Variants in APP observed in about 807,000 individuals in gnomAD.
APP encodes the protein amyloid-beta precursor protein.
Under a neutral mutation model 101.4 loss-of-function variants are expected in APP, and 31 were observed. The observed-to-expected ratio is 0.31, with a 90% confidence interval of 0.23 to 0.41. The LOEUF (loss-of-function observed/expected upper bound fraction) is 0.41. Ranked by LOEUF, APP falls within the 10% of genes least tolerant of loss-of-function variation. The probability of loss-of-function intolerance (pLI) is 1.00; values close to 1 mark genes in which losing one functional copy is unlikely to be tolerated. For missense variants in APP, 839 were observed against 1,003.7 expected, an observed-to-expected ratio of 0.84 and a Z score of 2.22; for synonymous variants, 366 against 364.4, an observed-to-expected ratio of 1.00 and a Z score of -0.05.
chr21:25,890,086 G>A (rs1166227284), intron 17 of APP, among the ~76,000 whole-genome samples: 1 of 152,070 alleles, frequency 6.6e-6, no homozygotes. Flanking sequence ...ATCACAAAAG[G>A]TGCAATGGCC....
At chr21:26,083,755 A>C (rs1470661045) in intron 3 of APP, among the ~76,000 whole-genome samples, 1 of 152,210 alleles carries the variant, frequency 6.6e-6, no homozygotes, top group Admixed American at 6.5e-5. Flanking sequence ...GAGATAGATA[A>C]ATTCTGTGCT....
chr21:26,031,718 C>T (rs1285437386), intron 5 of APP, among the ~76,000 whole-genome samples: 1 of 148,726 alleles, frequency 6.7e-6, no homozygotes, highest in Non-Finnish European at 1.5e-5. Flanking sequence ...GGTCCCTCCA[C>T]AACATGTGGG....
rs751861230 is a variant in APP at position 26,000,098 on chromosome 21, G to T, written c.950C>A (p.Ala317Asp). The T allele has an allele frequency of 6.2e-7, 1 of 1,614,146 alleles. No homozygotes were observed. The highest frequency in any genetic ancestry group is 8.5e-7 in the Non-Finnish European group (1 of 1,180,018). The change falls in exon 7 of 18, where the codon GCC becomes GAC. Residue 317 changes from alanine to aspartate, a missense_variant. By Grantham distance (126) the Ala-to-Asp change is moderately radical (BLOSUM62 -2). Transcript: ENST00000346798. The stretch of plus-strand genomic sequence containing the variant: ...GCCACATCCGCCGTAAAAGAATGGG[G>T]CACACTTCCCTTCAGTCACATCAAA... ...WYFDVTEGKC[A>D]PFFYGGCGGN...
intron 13 of APP, among the ~76,000 whole-genome samples, chr21:25,932,980 ATTT>A (rs989802289): frequency 1.4e-4 from 21 of 152,290 alleles, no homozygotes; most frequent in African/African-American, 4.6e-4. Context: ...TTAAAATTTT[ATTT>A]TTTATTGATA....
At chr21:26,050,746 A>G (rs562904111) in intron 5 of APP, among the ~76,000 whole-genome samples, 38 of 152,280 alleles carry the variant, frequency 2.5e-4, no homozygotes, top group African/African-American at 8.2e-4. Flanking sequence ...GTAACCTATG[A>G]TAGTTATCAG....
chr21:25,897,465 G>C, intron 16 of APP, 108 bp downstream of exon 16: 1 of 909,854 alleles, frequency 1.1e-6, no homozygotes, highest in South Asian at 1.3e-5. Context: ...GGCAAGCATT[G>C]TATTTTTATC....
intron 1 of APP, among the ~76,000 whole-genome samples, chr21:26,131,613 G>A (rs1384550433): frequency 2.6e-5 from 4 of 152,058 alleles, no homozygotes; most frequent in East Asian, 1.9e-4. Flanking sequence ...TGACCAATAC[G>A]GCAATACTTG....
At chr21:26,169,414 G>A (rs2063689796) in intron 1 of APP, 1 of 152,646 alleles carries the variant, frequency 6.6e-6, no homozygotes, top group Non-Finnish European at 1.5e-5. Flanking sequence ...AGAGCTGCCA[G>A]GGAAGAGGCC....
At chr21:25,947,559 T>C (rs1364872411) in intron 13 of APP, among the ~76,000 whole-genome samples, 1 of 152,232 alleles carries the variant, frequency 6.6e-6, no homozygotes, top group Non-Finnish European at 1.5e-5. Flanking sequence ...AGAAATTGTC[T>C]TGGGTCAAAG....
intron 14 of APP, among the ~76,000 whole-genome samples, chr21:25,909,402 C>G (rs1394554075): frequency 3.3e-5 from 5 of 152,058 alleles, no homozygotes; most frequent in African/African-American, 1.2e-4. Context: ...AGTTCTATTG[C>G]CTCCCAAAAT....
chr21:25,891,603 T>C (rs2037698468), intron 17 of APP, 119 bp downstream of exon 17: 8 of 998,274 alleles, frequency 8.0e-6, no homozygotes, highest in East Asian at 2.4e-5. Context: ...CCAAGCATCA[T>C]GGAAGCACAC....
intron 7 of APP, 97 bp downstream of exon 7, chr21:25,999,918 C>T (rs2043215281): frequency 1.4e-5 from 19 of 1,391,328 alleles, no homozygotes; most frequent in Non-Finnish European, 1.9e-5. Flanking sequence ...AGCAACAGGC[C>T]CATTCCCAAG....
chr21:26,000,816 ACT>A (rs1389039093), intron 6 of APP, among the ~76,000 whole-genome samples: 1 of 151,304 alleles, frequency 6.6e-6, no homozygotes, highest in East Asian at 1.9e-4. Flanking sequence ...TCTTAAATTA[ACT>A]CTGATTTAAG....
chr21:26,036,018 C>T (rs1403572160), intron 5 of APP, among the ~76,000 whole-genome samples: 3 of 152,028 alleles, frequency 2.0e-5, no homozygotes, highest in African/African-American at 7.2e-5. Context: ...CTCATTTGGA[C>T]ATGTTAGGAT....
At chr21:25,895,645 C>CA (rs1184084607) in intron 16 of APP, among the ~76,000 whole-genome samples, 2 of 152,152 alleles carry the variant, frequency 1.3e-5, no homozygotes, top group African/African-American at 4.8e-5. Context: ...AACATACTAG[C>CA]AATCTGGAAA....
intron 1 of APP, among the ~76,000 whole-genome samples, chr21:26,120,984 G>A (rs912127665): frequency 0.034 from 2 of 58 alleles, no homozygotes; most frequent in East Asian, 0.25. Flanking sequence ...CTTGCCACAC[G>A]TAGGCTCCCG....
At chr21:26,022,118 T>C (rs2044369826) in intron 5 of APP, 76 bp from the exon 6 acceptor site, 4 of 1,543,078 alleles carry the variant, frequency 2.6e-6, no homozygotes, top group South Asian at 1.1e-5. Context: ...GTCGTCCATA[T>C]GGAATTTTGG....
intron 15 of APP, among the ~76,000 whole-genome samples, chr21:25,901,940 T>C (rs1254231338): frequency 6.6e-6 from 1 of 152,206 alleles, no homozygotes; most frequent in Non-Finnish European, 1.5e-5. Context: ...TAATGTGTTT[T>C]TCTTTTTTAT....
At chr21:25,913,048 G>A (rs2039162141) in intron 13 of APP, among the ~76,000 whole-genome samples, 1 of 152,134 alleles carries the variant, frequency 6.6e-6, no homozygotes, top group Non-Finnish European at 1.5e-5. Context: ...ATATATTTCA[G>A]ACACATCACT....
Sources: allele counts gnomAD v4.1 joint callset (sites outside exome capture counted in the v4.1 genomes callset), GRCh38; gene constraint gnomAD v4.1.1; transcripts MANE v1.5; gene names NCBI Gene and HGNC (gene_info 2026-07-23, HGNC 2026-07-21).